The following SLK variants were observed in gnomAD, a reference collection of about 807,000 sequenced individuals.
The protein encoded by SLK is STE20 like kinase.
SLK carries 67 observed loss-of-function variants against 147.7 expected under a neutral mutation model. The observed-to-expected ratio is 0.45, with a 90% CI of 0.37 to 0.56. The LOEUF is 0.56. Ranked by LOEUF, SLK falls within the 20% of genes least tolerant of loss-of-function variation. SLK has a pLI of 0.00. For missense variants in SLK, 1,136 were observed against 1,438.8 expected, an observed-to-expected ratio of 0.79 and a Z score of 3.41; for synonymous variants, 441 against 475.0, an observed-to-expected ratio of 0.93 and a Z score of 0.93.
In SLK at chr10:104,025,616, G is replaced by C; in HGVS notation, c.3604G>C (p.Val1202Leu). ...EFARKLQEQE[V>L]FFKMTGESEC... Reference sequence around the variant, plus strand: ...TGCCAGGAAACTACAGGAACAGGAAGTATTCTTTAAAATGACTGGGGAGTC... The same window carrying C: ...TGCCAGGAAACTACAGGAACAGGAACTATTCTTTAAAATGACTGGGGAGTC... The change falls in exon 19 of 19, where the codon GTA becomes CTA. Residue 1202 changes from valine to leucine, a missense_variant. By Grantham distance (32) the Val-to-Leu change is conservative. This residue lies in a region of SLK where 327 missense variants were observed against 457.5 expected (regional missense o/e 0.71). Transcript: ENST00000369755. The C allele has an allele frequency of 6.2e-7, 1 of 1,613,910 alleles. No homozygotes were observed. Among genetic ancestry groups the C allele is most frequent in the Non-Finnish European group, 8.5e-7 (1 of 1,179,834 alleles).
At chr10:103,994,284 G>A (rs1844137323) in intron 4 of SLK, among the ~76,000 whole-genome samples, 1 of 152,128 alleles carries the variant, frequency 6.6e-6, no homozygotes, top group African/African-American at 2.4e-5. Context: ...TCAAAAAGTA[G>A]AACTTTGACA....
At position 104,026,024 on chromosome 10, in the gene SLK, T is replaced by G; in HGVS notation, c.*304T>G. ...CTGAAAACTGTTGGAGAAATAATGT[T>G]TAAAGTTATTTAAGAAAAACTGTTA... On this transcript the variant is annotated 3_prime_UTR_variant, in exon 19 of 19. Coordinates refer to ENST00000369755, the MANE Select transcript of SLK (RefSeq NM_014720.4). 4.6e-6 allele frequency: 1 copy of G among 219,118 alleles called. No individual in the cohort carries two copies. The highest frequency in any genetic ancestry group is 8.9e-6 in the Non-Finnish European group (1 of 111,812). The allele number at this position is 219,118 out of a possible 1,614,324, so 13.6% of individuals were successfully genotyped here.
intron 4 of SLK, among the ~76,000 whole-genome samples, chr10:103,997,165 G>A (rs1210201508): frequency 6.6e-6 from 1 of 152,106 alleles, no homozygotes; most frequent in Non-Finnish European, 1.5e-5. Context: ...TACGTATGTG[G>A]AATCATACAA....
Position 103,990,590 on chromosome 10 carries a change from A to G in SLK, c.151-85A>G, listed in dbSNP as rs1364264924. 57 of 767,908 alleles carry G rather than the reference A, an allele frequency of 7.4e-5. No homozygotes were observed. The East Asian group carries it at 1.8e-3, about 25-fold the overall frequency. 47.6% of individuals were successfully genotyped at this position (767,908 alleles called of 1,614,324 possible). ...AAACGTAAATATGAATTAAATATGAATTAAAACTTAAAATCTATTAAAATA... is the reference window on the plus strand; with the variant it reads ...AAACGTAAATATGAATTAAATATGAGTTAAAACTTAAAATCTATTAAAATA... On this transcript the variant is annotated intron_variant, in intron 1 of 18. Coordinates refer to ENST00000369755, the MANE Select transcript of SLK (RefSeq NM_014720.4).
rs1340178090 is a variant in SLK at position 104,003,000 on chromosome 10, A to G, written c.1822A>G (p.Met608Val). 4 of 1,613,744 alleles carry G rather than the reference A, an allele frequency of 2.5e-6. No homozygotes were observed. In the East Asian group the frequency reaches 6.7e-5, roughly 27 times the overall value. Residue 608 changes from methionine to valine, a missense_variant, in exon 9 of 19, where the codon ATG becomes GTG. Coordinates refer to ENST00000369755, the MANE Select transcript of SLK (RefSeq NM_014720.4). ...KEVPIKEIVE[M>V]NEIEEGKNKE... Reference sequence around the variant, plus strand: ...AGTTCCTATTAAAGAAATAGTTGAAATGAATGAAATAGAAGAAGGTAAAAA... The same window carrying G: ...AGTTCCTATTAAAGAAATAGTTGAAGTGAATGAAATAGAAGAAGGTAAAAA...
chr10:104,001,640 A>G, intron 8 of SLK, 68 bp downstream of exon 8: 1 of 1,564,030 alleles, frequency 6.4e-7, no homozygotes, highest in Non-Finnish European at 8.7e-7. Flanking sequence ...TTGCTCCTGT[A>G]TCTAAGGATT....
At chr10:104,017,501 A>G (rs1302889053) in intron 13 of SLK, among the ~76,000 whole-genome samples, 1 of 151,928 alleles carries the variant, frequency 6.6e-6, no homozygotes, top group Non-Finnish European at 1.5e-5. Context: ...TTATTTTGAG[A>G]TGGAGTCTCA....
chr10:104,025,366 G>A (rs1477932677), intron 18 of SLK, among the ~76,000 whole-genome samples: 1 of 152,132 alleles, frequency 6.6e-6, no homozygotes. Context: ...GTTAAGTAAT[G>A]GACCCAAATT....
At chr10:103,995,871 G>A (rs1403387919) in intron 4 of SLK, among the ~76,000 whole-genome samples, 1 of 152,184 alleles carries the variant, frequency 6.6e-6, no homozygotes, top group Non-Finnish European at 1.5e-5. Context: ...GAACCCTCAT[G>A]AGTTCATATA....
Position 104,021,739 on chromosome 10 carries a change from T to G in SLK, c.3561+6T>G, listed in dbSNP as rs1249799750. 6.9e-7 allele frequency: 1 copy of G among 1,448,768 alleles called. No individual in the cohort carries two copies. Among genetic ancestry groups the G allele is most frequent in the Non-Finnish European group, 9.7e-7 (1 of 1,034,114 alleles). The allele number at this position is 1,448,768 out of a possible 1,614,324, so 89.7% of individuals were successfully genotyped here. A position where few individuals can be genotyped will look rare whatever the true frequency, so the allele number is the denominator to read the frequency against. On this transcript the variant is annotated splice_donor_region_variant and intron_variant, in intron 18 of 18. Transcript: ENST00000369755. Reference sequence around the variant, plus strand: ...AATTGAGACCTAGGAAAAAGGTAATTTTAAAAGCTTTAATTAAAATGATAT... The same window carrying G: ...AATTGAGACCTAGGAAAAAGGTAATGTTAAAAGCTTTAATTAAAATGATAT...
At position 104,003,120 on chromosome 10, in the gene SLK, A is replaced by G. The variant is rs780371715; in HGVS notation, c.1942A>G (p.Thr648Ala). Residue 648 changes from threonine to alanine, a missense_variant, in exon 9 of 19, where the codon ACT (threonine) becomes GCT (alanine). Thr to Ala is a moderately conservative substitution (Grantham distance 58, BLOSUM62 0). Around this residue, in one of 6 missense-constraint regions of SLK, gnomAD observed 516 missense variants for 531.3 expected, o/e 0.97. Coordinates refer to ENST00000369755, the MANE Select transcript of SLK (RefSeq NM_014720.4). ...EGEEITESSS[T>A]EEMEVRSVVA... ...TGAAGAAATCACTGAGTCAAGTAGC[A>G]CTGAAGAAATGGAGGTCAGAAGTGT... The G allele has an allele frequency of 2.5e-6, 4 of 1,614,074 alleles. No individual in the cohort carries two copies. Among genetic ancestry groups the G allele is most frequent in the African/African-American group, 2.7e-5 (2 of 74,946 alleles).
In SLK at chr10:103,993,343, A is replaced by G. The variant is rs1844125770; in HGVS notation, c.514+210A>G. Among the ~76,000 whole-genome samples the G allele has an allele frequency of 2.0e-5, 3 of 152,164 alleles. No homozygotes were observed. The South Asian group carries it at 6.2e-4, about 31-fold the overall frequency. On this transcript the variant is annotated intron_variant, in intron 4 of 18. Coordinates refer to ENST00000369755, the MANE Select transcript of SLK (RefSeq NM_014720.4). ...CACCTAATTGAATGCTTTAAAAAGA[A>G]GATAAGAAAGAATGAATTTTTATTT...
intron 4 of SLK, among the ~76,000 whole-genome samples, chr10:103,995,624 C>A (rs941305256): frequency 4.0e-5 from 6 of 151,692 alleles, no homozygotes; most frequent in Non-Finnish European, 8.8e-5. Context: ...TGGGGTTTCA[C>A]CATGTTGACC....
intron 12 of SLK, among the ~76,000 whole-genome samples, chr10:104,008,561 A>G (rs1037894002): frequency 1.3e-5 from 2 of 152,170 alleles, no homozygotes; most frequent in African/African-American, 2.4e-5. Context: ...AACTGGAGTA[A>G]GAGAGGTTTT....
intron 15 of SLK, 121 bp from the exon 16 acceptor site, chr10:104,019,613 C>T: frequency 1.3e-6 from 1 of 799,924 alleles, no homozygotes; most frequent in Non-Finnish European, 2.1e-6. Context: ...TTTTGCTGGT[C>T]ACTGCAACAA....
At chr10:104,018,109 A>G in intron 13 of SLK, 51 bp from the exon 14 acceptor site, 1 of 1,433,588 alleles carries the variant, frequency 7.0e-7, no homozygotes, top group East Asian at 2.4e-5. Context: ...AGATAAATGG[A>G]TGTTTAGTTC....
At position 104,028,402 on chromosome 10, in the gene SLK, C is replaced by G. The variant is rs569025617; in HGVS notation, c.*2682C>G. ...TAGTCCTGTCAACAACCATACAGTG[C>G]GAATTGCTGAATTAGCTGCTATTCT... On this transcript the variant is annotated 3_prime_UTR_variant, in exon 19 of 19. Transcript: ENST00000369755. The G allele has an allele frequency of 6.6e-6, 1 of 152,144 alleles. No homozygotes were observed. 9.4% of individuals were successfully genotyped at this position (152,144 alleles called of 1,614,324 possible). A position where few individuals can be genotyped will look rare whatever the true frequency, so the allele number is the denominator to read the frequency against.
At chr10:104,010,733 G>T in intron 12 of SLK, 83 bp from the exon 13 acceptor site, 1 of 796,718 alleles carries the variant, frequency 1.3e-6, no homozygotes, top group South Asian at 2.7e-5. Flanking sequence ...TTTAATATTT[G>T]ACTTGTAGCT....
At chr10:104,005,785 G>A (rs1000320614) in intron 10 of SLK, 94 bp downstream of exon 10, 3 of 1,490,982 alleles carry the variant, frequency 2.0e-6, no homozygotes, top group Non-Finnish European at 2.7e-6. Context: ...TAAATTATTG[G>A]CTAATTTTTT....
Sources: gnomAD v4.1 joint callset for allele counts (sites outside exome capture counted in the v4.1 genomes callset) on GRCh38, gnomAD v4.1.1 for gene constraint, gnomAD v4.1.1 regional missense constraint, MANE v1.5 for transcripts, NCBI Gene and HGNC (gene_info 2026-07-23, HGNC 2026-07-21) for gene names.